TG: variants seen among roughly 807,000 people sequenced by gnomAD.
TG encodes thyroid hormones.
Under a neutral mutation model 324.7 loss-of-function variants are expected in TG, and 270 were observed. That is an observed-to-expected ratio of 0.83 (90% confidence interval 0.75 to 0.92). TG has a LOEUF of 0.92. Ranked by LOEUF, TG falls within the 40% of genes least tolerant of loss-of-function variation. The probability of loss-of-function intolerance (pLI) is 0.00; values close to 1 mark genes in which losing one functional copy is unlikely to be tolerated. For missense variants in TG, 3,591 were observed against 3,456.4 expected (o/e 1.04, Z -0.98); for synonymous variants, 1,401 against 1,327.0 (o/e 1.06, Z -1.21).
intron 41 of TG, among the ~76,000 whole-genome samples, chr8:133,088,046 A>G (rs1292482785): frequency 1.3e-5 from 2 of 152,156 alleles, no homozygotes; most frequent in Admixed American, 6.5e-5. Flanking sequence ...GGTTCTTCCT[A>G]CTTCCTAGGA....
At chr8:133,091,011 C>T (rs1847423366) in intron 41 of TG, among the ~76,000 whole-genome samples, 1 of 152,192 alleles carries the variant, frequency 6.6e-6, no homozygotes, top group Non-Finnish European at 1.5e-5. Flanking sequence ...AGGGAAGTGG[C>T]TTCAACTCTA....
chr8:132,897,595 G>T (rs1817297775), intron 11 of TG, 54 bp from the exon 12 acceptor site: 5 of 1,612,440 alleles, frequency 3.1e-6, no homozygotes, highest in Non-Finnish European at 4.2e-6. Context: ...CTCAGCTACA[G>T]AGCCCACACA....
intron 35 of TG, among the ~76,000 whole-genome samples, chr8:133,000,506 G>A (rs1213804505): frequency 6.6e-6 from 1 of 152,214 alleles, no homozygotes; most frequent in Admixed American, 6.5e-5. Context: ...CTGGCAGGAG[G>A]CAGAGCTGGC....
rs567507637 is a variant in TG at position 132,891,398 on chromosome 8, G to A, written c.2762-2292G>A. Among the ~76,000 whole-genome samples the A allele has an allele frequency of 2.9e-4, 44 of 152,282 alleles. 1 individual carries two copies. In the South Asian group the frequency reaches 8.9e-3, roughly 31 times the overall value. On this transcript the variant is annotated intron_variant, in intron 10 of 47. Transcript: ENST00000220616. ...TGCCTATGTTGGAGTGCAGTGGCAT[G>A]ATCTCAGTTCACTGCAGCCTCAACC...
chr8:132,974,242 C>A (rs540303099), intron 34 of TG, among the ~76,000 whole-genome samples: 4 of 152,280 alleles, frequency 2.6e-5, no homozygotes, highest in Admixed American at 2.6e-4. Context: ...GATCCACCCG[C>A]CTCGGCCTCC....
At chr8:133,049,472 A>G (rs535125464) in intron 41 of TG, 70 of 289,596 alleles carry the variant, frequency 2.4e-4, no homozygotes, top group African/African-American at 1.2e-3. Context: ...CTGTCGTTCT[A>G]TGTTATGATC....
intron 41 of TG, among the ~76,000 whole-genome samples, chr8:133,060,933 G>T (rs1459582842): frequency 6.6e-5 from 10 of 152,186 alleles, no homozygotes; most frequent in African/African-American, 2.2e-4. Flanking sequence ...CTCCATAACG[G>T]TTTTCAAGTT....
chr8:133,059,703 G>A (rs578153220), intron 41 of TG, among the ~76,000 whole-genome samples: 1 of 152,168 alleles, frequency 6.6e-6, no homozygotes, highest in Non-Finnish European at 1.5e-5. Context: ...ATTATATTAT[G>A]GGCTGCCAGA....
chr8:132,943,599 T>C (rs1050543990), intron 26 of TG, among the ~76,000 whole-genome samples: 2 of 152,162 alleles, frequency 1.3e-5, no homozygotes, highest in Admixed American at 1.3e-4. Flanking sequence ...ACATTGTTCT[T>C]AGCCCTTCTC....
At chr8:133,036,481 A>G (rs915874314) in intron 41 of TG, among the ~76,000 whole-genome samples, 1 of 152,236 alleles carries the variant, frequency 6.6e-6, no homozygotes, top group Non-Finnish European at 1.5e-5. Context: ...ACAATCGTTC[A>G]GAATTTGGTG....
chr8:133,060,658 G>T (rs1246403070), intron 41 of TG, among the ~76,000 whole-genome samples: 1 of 152,196 alleles, frequency 6.6e-6, no homozygotes, highest in Non-Finnish European at 1.5e-5. Context: ...GCTACTTTTT[G>T]TCATCCTTTT....
At chr8:132,938,462 G>C (rs904885365) in intron 25 of TG, among the ~76,000 whole-genome samples, 1 of 152,146 alleles carries the variant, frequency 6.6e-6, no homozygotes, top group Non-Finnish European at 1.5e-5. Context: ...TACTACATGT[G>C]ACATCAAAGT....
rs115707520 is a variant in TG, at chr8:133,022,009, C to A, written c.6895C>A (p.Leu2299Met). ...CCCACAGGCCCCTAACGCGTCTGTG[C>A]TGGTGTTCTTCCACAACACCATGGA... is the stretch of plus-strand genomic sequence containing the variant. Reference protein sequence around the residue: ...PQNVAPNASVLVFFHNTMDRE... With the variant: ...PQNVAPNASVMVFFHNTMDRE... The change falls in exon 40 of 48, where the codon CTG (leucine) becomes ATG (methionine). Residue 2299 changes from leucine (L) to methionine (M), a missense_variant. Physicochemically the swap from Leu to Met is conservative, Grantham distance 15. Transcript: ENST00000220616. 6 of 1,614,198 alleles carry A rather than the reference C, an allele frequency of 3.7e-6. No individual in the cohort carries two copies. The East Asian group carries it at 1.1e-4, about 30-fold the overall frequency.
chr8:133,114,347 C>T (rs1439211720), intron 44 of TG, among the ~76,000 whole-genome samples: 1 of 152,196 alleles, frequency 6.6e-6, no homozygotes, highest in African/African-American at 2.4e-5. Context: ...GGCTGCAGCC[C>T]CCAGGCCCTG....
At chr8:133,023,253 T>G (rs1835715161) in intron 40 of TG, among the ~76,000 whole-genome samples, 1 of 152,114 alleles carries the variant, frequency 6.6e-6, no homozygotes, top group Non-Finnish European at 1.5e-5. Context: ...GGGCAACAAG[T>G]TAAGACAAAT....
rs547239264 is a variant in TG at position 132,889,862 on chromosome 8, C to T, written c.2761+1294C>T. ...AGCGATCTCAGCTCACTGTAACCTCCGCCTCCCAAGTTCAAGTAATTCTCC... is the reference window on the plus strand; with the variant it reads ...AGCGATCTCAGCTCACTGTAACCTCTGCCTCCCAAGTTCAAGTAATTCTCC... On this transcript the variant is annotated intron_variant, in intron 10 of 47. Coordinates refer to ENST00000220616, the MANE Select transcript of TG (RefSeq NM_003235.5). Among the ~76,000 whole-genome samples the T allele has an allele frequency of 7.2e-5, 11 of 152,238 alleles. No homozygotes were observed. In the East Asian group the frequency reaches 1.2e-3, roughly 16 times the overall value.
chr8:132,939,690 T>TTGC (rs1329786467), intron 25 of TG, among the ~76,000 whole-genome samples: 1 of 151,772 alleles, frequency 6.6e-6, no homozygotes. Context: ...GTTTGTTTGT[T>TTGC]TTTTAAGATG....
rs142766592 is a variant in TG, at chr8:132,941,430, C to T, written c.5121C>T (p.Pro1707=). 5.0e-6 allele frequency: 8 copies of T among 1,614,100 alleles called. No individual in the cohort carries two copies. In the Middle Eastern group the frequency reaches 4.9e-4, roughly 99 times the overall value. The change falls in exon 26 of 48, where the codon CCC becomes CCT. Residue 1707 remains proline (P), a synonymous_variant. Coordinates refer to ENST00000220616, the MANE Select transcript of TG (RefSeq NM_003235.5). ...FQNMLSGLYN[P]IVFSASGANL... ...ACATGCTTTCTGGATTGTACAACCC[C>T]ATTGTGTTCTCAGCCTCAGGAGCCA...
chr8:132,968,057 T>A, intron 31 of TG, 87 bp downstream of exon 31: 1 of 1,468,336 alleles, frequency 6.8e-7, no homozygotes, highest in Admixed American at 1.9e-5. Context: ...TAGTTTCTTA[T>A]TTAAAAAACA....
Sources: gnomAD v4.1 joint callset for allele counts (sites outside exome capture counted in the v4.1 genomes callset) on GRCh38, gnomAD v4.1.1 for gene constraint, MANE v1.5 for transcripts, NCBI Gene and HGNC (gene_info 2026-07-23, HGNC 2026-07-21) for gene names.